The following CRIPTO3 variants were observed in gnomAD, a reference collection of about 807,000 sequenced individuals.
The protein encoded by CRIPTO3 is protein CRIPTO3.
At chrX:110,521,423 T>C in the CRIPTO3 span, 1 of 1,211,390 alleles carries the variant, frequency 8.3e-7, no homozygotes, top group Non-Finnish European at 1.1e-6. Context: ...GTGCCTGCCC[T>C]CCCTCCTTCT....
the CRIPTO3 span, chrX:110,522,683 T>A: frequency 9.0e-6 from 1 of 111,169 alleles, no homozygotes; most frequent in South Asian, 3.8e-4. Context: ...GTAAAAAGAA[T>A]GAAGTCTCCT....
At chrX:110,521,194 C>G in the CRIPTO3 span, 36 of 1,119,776 alleles carry the variant, frequency 3.2e-5, no homozygotes, top group Non-Finnish European at 4.2e-5. Flanking sequence ...ATTTCTAAAG[C>G]CTTTGAACTG....
the CRIPTO3 span, chrX:110,521,906 T>A: frequency 4.5e-6 from 2 of 445,708 alleles, no homozygotes; most frequent in Non-Finnish European, 3.9e-6. Context: ...AAAAAACTAC[T>A]TCTTTTTTCA....
chrX:110,521,325 C>A, the CRIPTO3 span: 1 of 1,206,228 alleles, frequency 8.3e-7, no homozygotes, highest in African/African-American at 1.8e-5. Context: ...GTCTTCCCAG[C>A]GTGTGCTGCC....
the CRIPTO3 span, chrX:110,521,118 T>C: frequency 8.7e-7 from 1 of 1,143,751 alleles, no homozygotes; most frequent in Non-Finnish European, 1.2e-6. Flanking sequence ...TTCCCCCTAA[T>C]TGTTAAAAGC....
the CRIPTO3 span, chrX:110,522,769 T>A: frequency 1.8e-5 from 2 of 111,566 alleles, no homozygotes; most frequent in East Asian, 5.6e-4. Context: ...TATTCAATTC[T>A]TTTAACTGTT....
At chrX:110,521,233 A>T in the CRIPTO3 span, 59 of 1,160,186 alleles carry the variant, frequency 5.1e-5, no homozygotes, top group East Asian at 1.8e-3. Context: ...GGCCATCAGG[A>T]ATTTGCTCGT....
At chrX:110,522,863 T>C in the CRIPTO3 span, 2 of 106,677 alleles carry the variant, frequency 1.9e-5, no homozygotes, top group South Asian at 4.2e-4. Context: ...TTAAAATACA[T>C]TGTATATACG....
the CRIPTO3 span, chrX:110,521,117 A>C: frequency 2.6e-6 from 3 of 1,142,630 alleles, no homozygotes; most frequent in Non-Finnish European, 2.4e-6. Flanking sequence ...TTTCCCCCTA[A>C]TTGTTAAAAG....
chrX:110,521,095 G>A, the CRIPTO3 span: 1 of 1,124,800 alleles, frequency 8.9e-7, no homozygotes. Flanking sequence ...TTAAAGCGAT[G>A]CTAACGCCTC....
At chrX:110,521,306 T>A in the CRIPTO3 span, 2 of 1,204,167 alleles carry the variant, frequency 1.7e-6, no homozygotes, top group Non-Finnish European at 2.3e-6. Flanking sequence ...AGCCTGCAAT[T>A]CGGCCTCGGT....
the CRIPTO3 span, chrX:110,521,101 G>A: frequency 8.8e-7 from 1 of 1,133,027 alleles, no homozygotes; most frequent in Non-Finnish European, 1.2e-6. Flanking sequence ...CGATGCTAAC[G>A]CCTCTTTTCC....
chrX:110,521,037 T>G, the CRIPTO3 span: 1 of 796,283 alleles, frequency 1.3e-6, no homozygotes, highest in African/African-American at 2.0e-5. Context: ...CCATTTTCGC[T>G]TTAGGAGATG....
chrX:110,520,931 A>G, the CRIPTO3 span: 9 of 447,027 alleles, frequency 2.0e-5, no homozygotes, highest in South Asian at 2.8e-4. Flanking sequence ...CAAAACGTCC[A>G]AGGCCGAAAG....
At chrX:110,522,068 G>T in the CRIPTO3 span, 2 of 361,259 alleles carry the variant, frequency 5.5e-6, no homozygotes, top group Non-Finnish European at 9.4e-6. Context: ...CCATTCTCCT[G>T]CCTCAGCCTC....
the CRIPTO3 span, chrX:110,522,085 A>T: frequency 2.8e-6 from 1 of 353,017 alleles, no homozygotes; most frequent in Non-Finnish European, 4.8e-6. Flanking sequence ...CCTCCCAAGT[A>T]GCTGGGATTA....
At chrX:110,521,055 T>C in the CRIPTO3 span, 1 of 894,082 alleles carries the variant, frequency 1.1e-6, no homozygotes. Context: ...ATGAATGTTT[T>C]CCTTTGGCTG....
the CRIPTO3 span, chrX:110,522,105 G>A: frequency 6.1e-6 from 2 of 327,236 alleles, no homozygotes; most frequent in Middle Eastern, 8.5e-4. Flanking sequence ...ACAGGCATGT[G>A]TCACCATGCC....
the CRIPTO3 span, chrX:110,521,169 A>G: frequency 9.0e-7 from 1 of 1,115,856 alleles, no homozygotes; most frequent in Non-Finnish European, 1.2e-6. Context: ...TTACAGTGTG[A>G]TTTGGATCAT....
Sources: gnomAD v4.1 joint callset for allele counts on GRCh38, gnomAD v4.1.1 for gene constraint, MANE v1.5 for transcripts, NCBI Gene and HGNC (gene_info 2026-07-23, HGNC 2026-07-21) for gene names.